Variants in SHISA9 observed in about 807,000 individuals in gnomAD.
SHISA9 encodes the protein protein shisa-9.
Under a neutral mutation model 38.0 loss-of-function variants are expected in SHISA9, and 13 were observed. That is an observed-to-expected ratio of 0.34 (90% CI 0.22 to 0.54). The LOEUF is 0.54. Ranked by LOEUF, SHISA9 falls within the 20% of genes least tolerant of loss-of-function variation. SHISA9 has a pLI of 0.91. For synonymous variants in SHISA9, 275 were observed against 242.0 expected (o/e 1.14, Z -1.27); for missense variants, 538 against 575.8 (o/e 0.93, Z 0.67).
At chr16:13,170,491 C>G (rs1250947380) in intron 2 of SHISA9, among the ~76,000 whole-genome samples, 1 of 152,056 alleles carries the variant, frequency 6.6e-6, no homozygotes, top group East Asian at 1.9e-4. Context: ...TGGGGCCTGC[C>G]AGGGGTGGTG....
At chr16:12,964,294 A>G (rs544900706) in intron 2 of SHISA9, among the ~76,000 whole-genome samples, 6 of 152,294 alleles carry the variant, frequency 3.9e-5, no homozygotes, top group African/African-American at 1.4e-4. Context: ...GCCTGACCAA[A>G]TGAAAAAGGT....
chr16:13,476,428 C>A, the SHISA9 span, among the ~76,000 whole-genome samples: 1 of 152,156 alleles, frequency 6.6e-6, no homozygotes, highest in East Asian at 1.9e-4. Context: ...AAGTCTTCTT[C>A]CTTAGCAATA....
At chr16:13,116,551 T>C (rs761852533) in intron 2 of SHISA9, among the ~76,000 whole-genome samples, 4 of 152,172 alleles carry the variant, frequency 2.6e-5, no homozygotes, top group Non-Finnish European at 5.9e-5. Flanking sequence ...GCTTTGGAGC[T>C]AGTTGCTATG....
the SHISA9 span, among the ~76,000 whole-genome samples, chr16:13,551,574 C>T: frequency 2.6e-5 from 4 of 152,296 alleles, no homozygotes; most frequent in East Asian, 5.8e-4. Flanking sequence ...TGACTGTGGG[C>T]ACATGCACTG....
intron 2 of SHISA9, among the ~76,000 whole-genome samples, chr16:13,133,491 G>A (rs1001664348): frequency 1.3e-5 from 2 of 152,096 alleles, no homozygotes; most frequent in South Asian, 4.1e-4. Flanking sequence ...CATTTCTATA[G>A]CTCTGGCCAT....
At chr16:13,285,860 TC>T in the SHISA9 span, among the ~76,000 whole-genome samples, 1 of 152,122 alleles carries the variant, frequency 6.6e-6, no homozygotes, top group Non-Finnish European at 1.5e-5. Context: ...GTGGTTCTCC[TC>T]CTATCTTTCC....
the SHISA9 span, chr16:13,246,186 G>A: frequency 6.6e-6 from 1 of 152,218 alleles, no homozygotes; most frequent in African/African-American, 2.4e-5. Context: ...CGTGTTGTGG[G>A]AGGGACCTGG....
At chr16:13,156,031 C>A (rs967565240) in intron 2 of SHISA9, among the ~76,000 whole-genome samples, 1 of 152,206 alleles carries the variant, frequency 6.6e-6, no homozygotes, top group Non-Finnish European at 1.5e-5. Context: ...CAAAAAAACG[C>A]AAGCTGGGTG....
chr16:13,197,077 G>A (rs1012012738), intron 2 of SHISA9, among the ~76,000 whole-genome samples: 2 of 146,154 alleles, frequency 1.4e-5, no homozygotes, highest in Non-Finnish European at 3.0e-5. Context: ...GGGTGACAGA[G>A]TGAAACTGTA....
intron 2 of SHISA9, among the ~76,000 whole-genome samples, chr16:13,042,006 A>G (rs2073137357): frequency 6.6e-6 from 1 of 152,168 alleles, no homozygotes; most frequent in Non-Finnish European, 1.5e-5. Context: ...TGAGAGGCAA[A>G]GGGGATTTTG....
chr16:12,923,600 G>C (rs1482418745), intron 2 of SHISA9, among the ~76,000 whole-genome samples: 2 of 151,996 alleles, frequency 1.3e-5, no homozygotes, highest in Non-Finnish European at 2.9e-5. Context: ...TATTGTAGCT[G>C]GTTAACCAAA....
At chr16:13,142,314 G>A (rs983534821) in intron 2 of SHISA9, among the ~76,000 whole-genome samples, 4 of 152,186 alleles carry the variant, frequency 2.6e-5, no homozygotes, top group African/African-American at 7.2e-5. Context: ...AATAGCCCAC[G>A]TGTTCCCTTC....
At chr16:13,253,311 G>C in the SHISA9 span, among the ~76,000 whole-genome samples, 5 of 152,096 alleles carry the variant, frequency 3.3e-5, no homozygotes, top group Non-Finnish European at 1.5e-5. Flanking sequence ...GTGAGGCTGA[G>C]GTTTGAGGTG....
chr16:13,424,046 T>A, the SHISA9 span, among the ~76,000 whole-genome samples: 4,666 of 152,320 alleles, frequency 0.031, 149 homozygotes, highest in African/African-American at 0.075. Context: ...GGCAATTGAT[T>A]TGTAACCAAA....
intron 2 of SHISA9, among the ~76,000 whole-genome samples, chr16:13,089,718 G>A (rs1439926390): frequency 1.3e-5 from 2 of 151,894 alleles, no homozygotes; most frequent in East Asian, 3.9e-4. Flanking sequence ...CTTGCTAGTG[G>A]TCTATCAATT....
At chr16:13,017,825 T>A (rs933627752) in intron 2 of SHISA9, among the ~76,000 whole-genome samples, 1 of 152,222 alleles carries the variant, frequency 6.6e-6, no homozygotes, top group South Asian at 2.1e-4. Context: ...TAACTGGTGA[T>A]CTACTCAAGT....
chr16:13,389,252 C>T, the SHISA9 span, among the ~76,000 whole-genome samples: 1 of 152,194 alleles, frequency 6.6e-6, no homozygotes, highest in Non-Finnish European at 1.5e-5. Context: ...CCTCTGGCAA[C>T]CCCTGAGCTG....
At chr16:13,550,149 G>C in the SHISA9 span, among the ~76,000 whole-genome samples, 1 of 152,246 alleles carries the variant, frequency 6.6e-6, no homozygotes, top group South Asian at 2.1e-4. Flanking sequence ...CCCGAGGCAG[G>C]AGAGAGGTTG....
rs138466611 is a variant in SHISA9, at chr16:13,159,728, G to A, written c.692-43666G>A. Among the ~76,000 whole-genome samples the A allele has an allele frequency of 6.6e-3, 1,005 of 152,346 alleles. 2 individuals carry two copies. The highest frequency in any genetic ancestry group is 0.01 in the Non-Finnish European group (701 of 68,042). ...CCTTAGAGGAGAACACAGACTCACA[G>A]ATATGTTCACATCATTTGCCCATTC... On this transcript the variant is annotated intron_variant, in intron 2 of 4. Coordinates refer to ENST00000558583, the MANE Select transcript of SHISA9 (RefSeq NM_001145204.3).
Sources: allele counts gnomAD v4.1 joint callset (sites outside exome capture counted in the v4.1 genomes callset), GRCh38; gene constraint gnomAD v4.1.1; transcripts MANE v1.5; gene names NCBI Gene and HGNC (gene_info 2026-07-23, HGNC 2026-07-21).